Variants in FAM161A observed in about 807,000 individuals in gnomAD.
FAM161A encodes protein FAM161A.
FAM161A carries 57 observed loss-of-function variants against 70.9 expected under a neutral mutation model. That is an observed-to-expected ratio of 0.80 (90% confidence interval 0.65 to 1.00). The LOEUF is 1.00. Ranked by LOEUF, FAM161A falls within the 50% of genes least tolerant of loss-of-function variation. FAM161A has a pLI of 0.00. For missense variants in FAM161A, 880 were observed against 836.0 expected (o/e 1.05, Z -0.65); for synonymous variants, 299 against 295.7 (o/e 1.01, Z -0.12).
rs1673061885 is a variant in FAM161A at position 61,842,663 on chromosome 2, C to G, written c.184-303G>C. On this transcript the variant is annotated intron_variant, in intron 1 of 6. Transcript: ENST00000404929. ...AAAGGTATAATAGGATAGAACCCAA[C>G]AACCCTTTACAAAGTATTTCTATAA... Among the ~76,000 whole-genome samples, 3 of 152,304 alleles carry G rather than the reference C, an allele frequency of 2.0e-5. No homozygotes were observed. In the South Asian group the frequency reaches 6.2e-4, roughly 32 times the overall value.
At chr2:61,834,064 TG>T (rs1195542574) in intron 5 of FAM161A, among the ~76,000 whole-genome samples, 1 of 152,134 alleles carries the variant, frequency 6.6e-6, no homozygotes, top group Non-Finnish European at 1.5e-5. Context: ...CAATAACAAG[TG>T]CTGATGCTAT....
chr2:61,845,004 C>T (rs1031493125), intron 1 of FAM161A, among the ~76,000 whole-genome samples: 5 of 152,204 alleles, frequency 3.3e-5, no homozygotes, highest in African/African-American at 1.2e-4. Flanking sequence ...AGTGCTAGAA[C>T]ATCCATCGCC....
the FAM161A span, among the ~76,000 whole-genome samples, chr2:61,815,615 G>A: frequency 2.9e-5 from 4 of 138,650 alleles, no homozygotes; most frequent in Non-Finnish European, 6.0e-5. Context: ...CAGTGGCGCG[G>A]TCTCAGCTCA....
chr2:61,803,347 G>A, the FAM161A span: 1 of 694,074 alleles, frequency 1.4e-6, no homozygotes. Context: ...ACATAGACTT[G>A]CAAGACATGG....
At chr2:61,824,193 A>ATTTTTTT (rs5831622), downstream of FAM161A, among the ~76,000 whole-genome samples, 6 of 127,810 alleles carry the variant, frequency 4.7e-5, no homozygotes, top group South Asian at 2.6e-4. Context: ...CGCCTGGCTA[A>ATTTTTTT]TTTTTTTTTT....
chr2:61,853,365 G>T lies in FAM161A; in HGVS notation c.183+494C>A, dbSNP rs1477137024. Among the ~76,000 whole-genome samples the T allele has an allele frequency of 2.0e-5, 3 of 152,160 alleles. No individual in the cohort carries two copies. The East Asian group carries it at 5.8e-4, about 29-fold the overall frequency. ...CTGTTTAGGAAACACTGAAACCTCAGTGATTTGCTTATCTGTATCCGTGTC... is the reference window on the plus strand; with the variant it reads ...CTGTTTAGGAAACACTGAAACCTCATTGATTTGCTTATCTGTATCCGTGTC... On this transcript the variant is annotated intron_variant, in intron 1 of 6. Coordinates refer to ENST00000404929, the MANE Select transcript of FAM161A (RefSeq NM_001201543.2).
the FAM161A span, among the ~76,000 whole-genome samples, chr2:61,800,312 T>C: frequency 6.6e-6 from 1 of 152,202 alleles, no homozygotes; most frequent in African/African-American, 2.4e-5. Flanking sequence ...CAGTCAGCAT[T>C]GCGTCTGCAT....
chr2:61,821,447 T>C (rs1310645378), downstream of FAM161A, among the ~76,000 whole-genome samples: 1 of 152,188 alleles, frequency 6.6e-6, no homozygotes, highest in Non-Finnish European at 1.5e-5. Flanking sequence ...AAGACCACAG[T>C]CTTAGTTGTT....
chr2:61,806,013 T>C, the FAM161A span, among the ~76,000 whole-genome samples: 1 of 152,146 alleles, frequency 6.6e-6, no homozygotes, highest in African/African-American at 2.4e-5. Context: ...AGCTCAGGAA[T>C]TCAAGACCAG....
In FAM161A at chr2:61,826,075, T is replaced by G. The variant is rs548868621; in HGVS notation, c.*380A>C. ...ATTGATTCACACTTTCCAAAATTTT[T>G]AAAAAGTAAACCACCAAAGACCAAT... On this transcript the variant is annotated 3_prime_UTR_variant, in exon 7 of 7. Transcript: ENST00000404929. 1 of 462,228 alleles carries G rather than the reference T, an allele frequency of 2.2e-6. No individual in the cohort carries two copies. Among genetic ancestry groups the G allele is most frequent in the East Asian group, 6.7e-5 (1 of 14,952 alleles). 28.6% of individuals were successfully genotyped at this position (462,228 alleles called of 1,614,324 possible). A position where few individuals can be genotyped will look rare whatever the true frequency, so the allele number is the denominator to read the frequency against.
chr2:61,828,653 T>C (rs1459287349), intron 5 of FAM161A, among the ~76,000 whole-genome samples: 2 of 152,216 alleles, frequency 1.3e-5, no homozygotes, highest in Non-Finnish European at 2.9e-5. Flanking sequence ...ATGTATCTAC[T>C]GTAATTTTTA....
At chr2:61,834,625 G>A (rs1372876393) in intron 5 of FAM161A, among the ~76,000 whole-genome samples, 1 of 151,916 alleles carries the variant, frequency 6.6e-6, no homozygotes, top group Non-Finnish European at 1.5e-5. Context: ...ACCATGCCCG[G>A]CTAATTTTTG....
downstream of FAM161A, among the ~76,000 whole-genome samples, chr2:61,824,320 G>C (rs1402667116): frequency 6.6e-6 from 1 of 151,478 alleles, no homozygotes; most frequent in African/African-American, 2.4e-5. Flanking sequence ...GATATGCACA[G>C]AATGATTTGA....
chr2:61,827,164 C>A lies in FAM161A; in HGVS notation c.1946G>T (p.Gly649Val). The change falls in exon 6 of 7, where the codon GGA becomes GTA. Residue 649 changes from glycine to valine, a missense_variant. Gly to Val is a moderately radical substitution (Grantham distance 109). Transcript: ENST00000404929. ...ATTGTTGAAGTACTCAAGTACTTTT[C>A]CACTTTGGCCTTTCTTTGAAACAAA... ...DEFVSKKGQS[G>V]KVLEYFNNQE... The A allele has an allele frequency of 6.2e-7, 1 of 1,613,882 alleles. No homozygotes were observed. The highest frequency in any genetic ancestry group is 1.3e-5 in the African/African-American group (1 of 75,034).
downstream of FAM161A, chr2:61,820,156 C>T (rs1015537279): frequency 1.2e-5 from 6 of 499,290 alleles, no homozygotes; most frequent in African/African-American, 1.9e-5. Flanking sequence ...CTGTCCGTGG[C>T]CGCCACCAGG....
chr2:61,821,250 A>G (rs1023765192), downstream of FAM161A, among the ~76,000 whole-genome samples: 1 of 151,844 alleles, frequency 6.6e-6, no homozygotes, highest in African/African-American at 2.4e-5. Context: ...ATGGGGTTTC[A>G]CCATATTGGC....
At chr2:61,853,036 C>G (rs1271782303) in intron 1 of FAM161A, among the ~76,000 whole-genome samples, 1 of 149,888 alleles carries the variant, frequency 6.7e-6, no homozygotes, top group African/African-American at 2.5e-5. Flanking sequence ...CTCAGCCTTC[C>G]GAGTAACTAG....
chr2:61,839,594 TTC>T lies in FAM161A; in HGVS notation c.1408_1409del (p.Glu470LysfsTer10), dbSNP rs1672921448. The T allele has an allele frequency of 6.2e-7, 1 of 1,614,238 alleles. No homozygotes were observed. Among genetic ancestry groups the T allele is most frequent in the South Asian group, 1.1e-5 (1 of 91,082 alleles). The part of the protein sequence containing the change: ...HASPHASIKR[E>X]KILADIEADE... Reference sequence around the variant, plus strand: ...CTGCTTCGATGTCTGCCAAAATTTTTTCTCTTTTAATAGATGCATGTGGAGAT... The same window carrying T: ...CTGCTTCGATGTCTGCCAAAATTTTTTCTTTTAATAGATGCATGTGGAGAT... On this transcript the variant is annotated frameshift_variant, in exon 3 of 7. Transcript: ENST00000404929. LOFTEE classifies it high-confidence loss of function.
chr2:61,840,171 T>C lies in FAM161A; in HGVS notation c.833A>G (p.Tyr278Cys), dbSNP rs1672958826. 19 of 1,614,170 alleles carry C rather than the reference T, an allele frequency of 1.2e-5. No individual in the cohort carries two copies. The highest frequency in any genetic ancestry group is 1.6e-5 in the Non-Finnish European group (19 of 1,180,034). ...ALKKQEEDPE[Y>C]KKKFRANPVP... ...TGGATTGGCTCGGAATTTCTTCTTA[T>C]ACTCTGGATCCTCTTCTTGTTTTTT... Residue 278 changes from tyrosine (Y) to cysteine (C), a missense_variant, in exon 3 of 7, where the codon TAT becomes TGT. By Grantham distance (194) the Tyr-to-Cys change is radical. Transcript: ENST00000404929.
Sources: gnomAD v4.1 joint callset for allele counts (sites outside exome capture counted in the v4.1 genomes callset) on GRCh38, gnomAD v4.1.1 for gene constraint, MANE v1.5 for transcripts, NCBI Gene and HGNC (gene_info 2026-07-23, HGNC 2026-07-21) for gene names.